The following CALN1 variants were observed in gnomAD, a reference collection of about 807,000 sequenced individuals.
The protein encoded by CALN1 is calneuron 1.
A neutral mutation model predicts 30.6 loss-of-function variants in CALN1; 17 were observed. That is an observed-to-expected ratio of 0.56 (90% confidence interval 0.38 to 0.83). The LOEUF is 0.83. Among genes scored for constraint, CALN1 ranks in the 40% least tolerant of loss-of-function variants. The pLI is 0.00. For missense variants in CALN1, 291 were observed against 354.9 expected, an observed-to-expected ratio of 0.82 and a Z score of 1.45; for synonymous variants, 156 against 131.4, an observed-to-expected ratio of 1.19 and a Z score of -1.28.
intron 1 of CALN1, among the ~76,000 whole-genome samples, chr7:72,440,753 G>A (rs1024403780): frequency 1.3e-5 from 2 of 152,172 alleles, no homozygotes; most frequent in African/African-American, 4.8e-5. Flanking sequence ...CTTGAACCCA[G>A]GAGGCAGAGG....
At chr7:72,109,841 T>A (rs1262207989) in intron 3 of CALN1, among the ~76,000 whole-genome samples, 1 of 152,122 alleles carries the variant, frequency 6.6e-6, no homozygotes, top group Non-Finnish European at 1.5e-5. Flanking sequence ...TGCAAGCTGG[T>A]GCAGCCTTCC....
chr7:72,361,497 C>A (rs1287819036), intron 2 of CALN1, among the ~76,000 whole-genome samples: 1 of 152,112 alleles, frequency 6.6e-6, no homozygotes, highest in African/African-American at 2.4e-5. Context: ...CAGAGCAAGA[C>A]CCTGTCTCTA....
chr7:71,884,004 C>T (rs1483938349), intron 5 of CALN1, among the ~76,000 whole-genome samples: 2 of 152,144 alleles, frequency 1.3e-5, no homozygotes, highest in African/African-American at 4.8e-5. Context: ...ATCTCCGCCT[C>T]CCAGGTTCAA....
chr7:72,003,554 G>A (rs571722699), intron 5 of CALN1, among the ~76,000 whole-genome samples: 75 of 152,310 alleles, frequency 4.9e-4, no homozygotes, highest in African/African-American at 1.5e-3. Context: ...TGTCAGATCA[G>A]CAGTAGCATT....
chr7:72,337,270 G>A lies in CALN1; in HGVS notation c.120-58460C>T, dbSNP rs1008607987. ...TGCCGGCGCCCGCGTTCAGGAGCCG[G>A]GCTTCTGGGCTCGCCTTGGCCGCCT... On this transcript the variant is annotated intron_variant, in intron 2 of 6. Coordinates refer to ENST00000395275, the MANE Select transcript of CALN1 (RefSeq NM_031468.4). 8 of 985,096 alleles carry A rather than the reference G, an allele frequency of 8.1e-6. No individual in the cohort carries two copies. The African/African-American group carries it at 8.7e-5, about 11-fold the overall frequency. The allele number at this position is 985,096 out of a possible 1,614,324, so 61.0% of individuals were successfully genotyped here.
chr7:72,425,905 A>G (rs556910696), intron 1 of CALN1, among the ~76,000 whole-genome samples: 1 of 152,140 alleles, frequency 6.6e-6, no homozygotes, highest in Non-Finnish European at 1.5e-5. Context: ...AGATTCCAAT[A>G]ATTACAATCA....
chr7:72,005,737 A>G (rs1426386539), intron 5 of CALN1, among the ~76,000 whole-genome samples: 1 of 151,862 alleles, frequency 6.6e-6, no homozygotes, highest in Non-Finnish European at 1.5e-5. Context: ...ATTTATATAC[A>G]ATTTTTGCAA....
intron 4 of CALN1, among the ~76,000 whole-genome samples, chr7:72,060,689 G>A (rs775894514): frequency 6.6e-5 from 10 of 152,134 alleles, no homozygotes; most frequent in Non-Finnish European, 1.3e-4. Flanking sequence ...TTCATAAATG[G>A]CTTGGTGCTC....
At chr7:72,208,627 CCTT>C (rs1226547488) in intron 3 of CALN1, among the ~76,000 whole-genome samples, 2 of 152,116 alleles carry the variant, frequency 1.3e-5, no homozygotes, top group Middle Eastern at 3.2e-3. Flanking sequence ...GACTTTTATT[CCTT>C]CTTCTTGCTT....
upstream of CALN1, among the ~76,000 whole-genome samples, chr7:72,450,386 T>G (rs536535212): frequency 1.3e-5 from 2 of 152,178 alleles, no homozygotes; most frequent in South Asian, 4.1e-4. Flanking sequence ...GTCCACAGAC[T>G]CACAATCCCA....
intron 2 of CALN1, among the ~76,000 whole-genome samples, chr7:72,320,958 T>C (rs1403164977): frequency 6.6e-6 from 1 of 152,062 alleles, no homozygotes; most frequent in Non-Finnish European, 1.5e-5. Context: ...CAGCCAGGTA[T>C]TTAACTTCTC....
chr7:72,266,441 A>T (rs1466644163), intron 3 of CALN1, among the ~76,000 whole-genome samples: 1 of 152,244 alleles, frequency 6.6e-6, no homozygotes, highest in Non-Finnish European at 1.5e-5. Flanking sequence ...CACTGGAATC[A>T]GGTAACTGGT....
intron 5 of CALN1, among the ~76,000 whole-genome samples, chr7:71,882,864 G>GTC (rs200444872): frequency 5.7e-4 from 84 of 146,706 alleles, no homozygotes; most frequent in African/African-American, 2.2e-3. Context: ...GTGTGTGTGT[G>GTC]TGTGTGTGTG....
At chr7:71,803,640 A>T (rs1318715532) in intron 6 of CALN1, among the ~76,000 whole-genome samples, 1 of 151,944 alleles carries the variant, frequency 6.6e-6, no homozygotes, top group Non-Finnish European at 1.5e-5. Flanking sequence ...ACACCCAGCT[A>T]ATTTTTGTAT....
chr7:72,337,191 C>T (rs994245653), intron 2 of CALN1: 5 of 985,112 alleles, frequency 5.1e-6, no homozygotes, highest in Non-Finnish European at 4.8e-6. Flanking sequence ...TCCCCAGCTC[C>T]TCCCCAGCGG....
At chr7:72,159,156 T>C (rs1188107683) in intron 3 of CALN1, among the ~76,000 whole-genome samples, 1 of 152,138 alleles carries the variant, frequency 6.6e-6, no homozygotes, top group African/African-American at 2.4e-5. Flanking sequence ...CTGGCTGTTA[T>C]TATGTGAGAT....
At chr7:72,391,495 G>C (rs981417202) in intron 2 of CALN1, among the ~76,000 whole-genome samples, 2 of 152,060 alleles carry the variant, frequency 1.3e-5, no homozygotes, top group Non-Finnish European at 2.9e-5. Flanking sequence ...AAGTGTGGTA[G>C]TTTTAAAATA....
At chr7:72,408,432 C>T (rs1806854289) in intron 1 of CALN1, among the ~76,000 whole-genome samples, 1 of 151,784 alleles carries the variant, frequency 6.6e-6, no homozygotes, top group African/African-American at 2.4e-5. Flanking sequence ...GCAACAGACT[C>T]GGTCTCAGAA....
intron 3 of CALN1, among the ~76,000 whole-genome samples, chr7:72,226,952 C>T (rs545167131): frequency 6.6e-6 from 1 of 151,920 alleles, no homozygotes; most frequent in East Asian, 2.0e-4. Context: ...AGGAGAATCA[C>T]TTGAACCCGG....
Sources: allele counts gnomAD v4.1 joint callset (sites outside exome capture counted in the v4.1 genomes callset), GRCh38; gene constraint gnomAD v4.1.1; transcripts MANE v1.5; gene names NCBI Gene and HGNC (gene_info 2026-07-23, HGNC 2026-07-21).